CDYL: variants seen among roughly 807,000 people sequenced by gnomAD.
The protein encoded by CDYL is chromodomain Y-like protein.
CDYL carries 8 observed loss-of-function variants against 47.3 expected under a neutral mutation model. The observed-to-expected ratio is 0.17, with a 90% confidence interval of 0.10 to 0.31. The LOEUF is 0.31. Among genes scored for constraint, CDYL ranks in the 10% least tolerant of loss-of-function variants. The probability of loss-of-function intolerance (pLI) is 1.00; values close to 1 mark genes in which losing one functional copy is unlikely to be tolerated. For synonymous variants in CDYL, 266 were observed against 265.0 expected, an observed-to-expected ratio of 1.00 and a Z score of -0.04; for missense variants, 471 against 701.4, an observed-to-expected ratio of 0.67 and a Z score of 3.71.
rs553889079 is a variant in CDYL, at chr6:4,924,461, A to G, written c.692-11054A>G. The stretch of plus-strand genomic sequence containing the variant: ...TTTCCAGGAATTATTTGTATGTTTC[A>G]TGGACTAAAATGCCTTTTACACCTC... On this transcript the variant is annotated intron_variant, in intron 2 of 6. Coordinates refer to ENST00000397588, the MANE Select transcript of CDYL (RefSeq NM_004824.4). 9.8e-5 allele frequency among the ~76,000 whole-genome samples: 15 copies of G among 152,302 alleles called. No homozygotes were observed. The South Asian group carries it at 3.1e-3, about 32-fold the overall frequency.
intron 2 of CDYL, among the ~76,000 whole-genome samples, chr6:4,716,491 A>G (rs1174840973): frequency 2.0e-5 from 3 of 151,774 alleles, no homozygotes; most frequent in African/African-American, 7.3e-5. Flanking sequence ...ACTTTTAATG[A>G]CCTGAGACAT....
intron 3 of CDYL, among the ~76,000 whole-genome samples, chr6:4,750,440 G>A (rs1757969964): frequency 6.6e-6 from 1 of 152,086 alleles, no homozygotes; most frequent in Admixed American, 6.6e-5. Flanking sequence ...GACCTCAACT[G>A]ACCCACCTGC....
intron 1 of CDYL, among the ~76,000 whole-genome samples, chr6:4,852,277 G>C (rs1319403516): frequency 6.6e-6 from 1 of 152,048 alleles, no homozygotes; most frequent in Non-Finnish European, 1.5e-5. Context: ...TCACCAACTG[G>C]GGCAAATGAT....
At chr6:4,795,803 G>A (rs959591185) in intron 1 of CDYL, among the ~76,000 whole-genome samples, 5 of 149,878 alleles carry the variant, frequency 3.3e-5, no homozygotes, top group African/African-American at 7.4e-5. Flanking sequence ...CTGCCTTTAG[G>A]TTATTTGGTT....
At chr6:4,945,546 G>T (rs182699065) in intron 5 of CDYL, among the ~76,000 whole-genome samples, 1 of 152,332 alleles carries the variant, frequency 6.6e-6, no homozygotes, top group African/African-American at 2.4e-5. Context: ...TGCTCACTGT[G>T]CCCAGCTCAG....
At chr6:4,755,313 C>T (rs1758058983) in intron 3 of CDYL, among the ~76,000 whole-genome samples, 1 of 151,960 alleles carries the variant, frequency 6.6e-6, no homozygotes. Flanking sequence ...TCAGGTGATC[C>T]ACCTGCCTCG....
intron 1 of CDYL, among the ~76,000 whole-genome samples, chr6:4,816,554 A>G (rs1759682617): frequency 6.8e-6 from 1 of 147,904 alleles, no homozygotes; most frequent in African/African-American, 2.5e-5. Context: ...TAGAGTGCAC[A>G]GTAGCACAGT....
chr6:4,719,037 C>A (rs1303107634), intron 2 of CDYL, among the ~76,000 whole-genome samples: 1 of 152,126 alleles, frequency 6.6e-6, no homozygotes, highest in African/African-American at 2.4e-5. Flanking sequence ...GATTCTCCTG[C>A]CTCAGCCTTC....
chr6:4,892,419 C>G (rs764517884), intron 2 of CDYL, 40 bp downstream of exon 2: 1 of 1,544,918 alleles, frequency 6.5e-7, no homozygotes, highest in South Asian at 1.3e-5. Flanking sequence ...GTGGTGATCC[C>G]AGAGGGCTCG....
chr6:4,850,514 T>G (rs983670928), intron 1 of CDYL, among the ~76,000 whole-genome samples: 1 of 152,254 alleles, frequency 6.6e-6, no homozygotes, highest in Admixed American at 6.5e-5. Context: ...TAATTTTGTT[T>G]ATTCTATAAG....
At chr6:4,908,033 A>G (rs1757293236) in intron 2 of CDYL, among the ~76,000 whole-genome samples, 1 of 152,192 alleles carries the variant, frequency 6.6e-6, no homozygotes, top group South Asian at 2.1e-4. Context: ...CCTTGCTGTC[A>G]GGGGGCTCAT....
chr6:4,712,933 C>T (rs1352169026), intron 1 of CDYL, among the ~76,000 whole-genome samples: 1 of 152,144 alleles, frequency 6.6e-6, no homozygotes, highest in Non-Finnish European at 1.5e-5. Context: ...TCACTTGAGG[C>T]CAGGCGTTTG....
chr6:4,929,249 C>T (rs1276201876), intron 2 of CDYL, among the ~76,000 whole-genome samples: 1 of 151,822 alleles, frequency 6.6e-6, no homozygotes, highest in Non-Finnish European at 1.5e-5. Context: ...TCTTCATACA[C>T]TTCAAAGGTG....
chr6:4,750,673 A>T (rs1349406761), intron 3 of CDYL, among the ~76,000 whole-genome samples: 1 of 152,198 alleles, frequency 6.6e-6, no homozygotes, highest in Admixed American at 6.5e-5. Context: ...TGTATTAAAA[A>T]TAAGTTTGAA....
intron 1 of CDYL, among the ~76,000 whole-genome samples, chr6:4,778,384 A>G (rs1758526013): frequency 6.6e-6 from 1 of 152,248 alleles, no homozygotes; most frequent in Non-Finnish European, 1.5e-5. Context: ...TTCTGAAGAC[A>G]GCACATTTCC....
At chr6:4,776,974 C>T (rs1294489859) in intron 1 of CDYL, among the ~76,000 whole-genome samples, 167 bp downstream of exon 1, 1 of 144,796 alleles carries the variant, frequency 6.9e-6, no homozygotes, top group African/African-American at 2.5e-5. Flanking sequence ...CCCGAGCCTC[C>T]GTTCCGAGGG....
intron 1 of CDYL, among the ~76,000 whole-genome samples, chr6:4,867,528 A>C (rs1397784302): frequency 6.6e-6 from 1 of 152,052 alleles, no homozygotes; most frequent in African/African-American, 2.4e-5. Flanking sequence ...TTGGTCATGA[A>C]ATGGTGTTGG....
At chr6:4,761,182 C>G (rs1181860745) in intron 3 of CDYL, among the ~76,000 whole-genome samples, 1 of 152,138 alleles carries the variant, frequency 6.6e-6, no homozygotes, top group Non-Finnish European at 1.5e-5. Context: ...CTCTTGGCGG[C>G]AGATAAAGAC....
intron 1 of CDYL, among the ~76,000 whole-genome samples, chr6:4,780,741 A>C (rs944044349): frequency 3.3e-5 from 5 of 152,170 alleles, no homozygotes; most frequent in Admixed American, 2.6e-4. Context: ...AGGAAAAAAA[A>C]CCCATCCAAC....
Sources: gnomAD v4.1 joint callset for allele counts (sites outside exome capture counted in the v4.1 genomes callset) on GRCh38, gnomAD v4.1.1 for gene constraint, MANE v1.5 for transcripts, NCBI Gene and HGNC (gene_info 2026-07-23, HGNC 2026-07-21) for gene names.